The following ZNF516 variants were observed in gnomAD, a reference collection of about 807,000 sequenced individuals.
The protein encoded by ZNF516 is zinc finger protein 516.
A neutral mutation model predicts 79.7 loss-of-function variants in ZNF516; 19 were observed. The ratio of observed to expected loss-of-function variants is 0.24; its 90% CI spans 0.17 to 0.35. The LOEUF (loss-of-function observed/expected upper bound fraction) is 0.35, where lower values mean the gene tolerates loss of function less well. Ranked by LOEUF, ZNF516 falls within the 10% of genes least tolerant of loss-of-function variation. The probability of loss-of-function intolerance (pLI) is 1.00; values close to 1 mark genes in which losing one functional copy is unlikely to be tolerated. For synonymous variants in ZNF516, 877 were observed against 739.5 expected (o/e 1.19, Z -3.02); for missense variants, 1,678 against 1,679.5 (o/e 1.00, Z 0.02).
chr18:76,424,387 C>T (rs1159556611), intron 3 of ZNF516, among the ~76,000 whole-genome samples: 6 of 135,634 alleles, frequency 4.4e-5, no homozygotes, highest in Non-Finnish European at 1.6e-5. Flanking sequence ...AAGGGTCCCC[C>T]CCGAAACACA....
At chr18:76,399,006 A>G (rs1328256254) in intron 3 of ZNF516, among the ~76,000 whole-genome samples, 1 of 152,148 alleles carries the variant, frequency 6.6e-6, no homozygotes, top group African/African-American at 2.4e-5. Context: ...TTCATAACAC[A>G]AGCGGTCTCT....
chr18:76,476,677 T>C (rs1914191935), intron 1 of ZNF516, among the ~76,000 whole-genome samples: 1 of 152,200 alleles, frequency 6.6e-6, no homozygotes, highest in African/African-American at 2.4e-5. Flanking sequence ...TTTGTGTCAG[T>C]TTTCCACTAA....
chr18:76,439,431 T>C (rs2075785679), intron 3 of ZNF516, among the ~76,000 whole-genome samples: 1 of 152,372 alleles, frequency 6.6e-6, no homozygotes, highest in South Asian at 2.1e-4. Flanking sequence ...ATTTATTCTA[T>C]CACCAACTGT....
chr18:76,387,948 G>C (rs1228514775), intron 3 of ZNF516: 1 of 152,330 alleles, frequency 6.6e-6, no homozygotes, highest in Non-Finnish European at 1.5e-5. Context: ...CCAAACCCCA[G>C]GCTCCAAGAG....
intron 3 of ZNF516, among the ~76,000 whole-genome samples, chr18:76,416,058 G>C (rs1324705273): frequency 1.3e-5 from 2 of 152,154 alleles, no homozygotes; most frequent in South Asian, 4.1e-4. Flanking sequence ...CCTGTACTAA[G>C]TGTGCAACTG....
intron 3 of ZNF516, among the ~76,000 whole-genome samples, chr18:76,406,962 G>T (rs2145267298): frequency 6.6e-6 from 1 of 152,286 alleles, no homozygotes; most frequent in African/African-American, 2.4e-5. Context: ...TCTTAGATTT[G>T]CTAACCCGGG....
At position 76,441,839 on chromosome 18, in the gene ZNF516, G is replaced by A; in HGVS notation, c.1216C>T (p.Arg406Trp). Residue 406 changes from arginine (R) to tryptophan (W), a missense_variant, in exon 3 of 7, where the codon CGG (arginine) becomes TGG (tryptophan). By Grantham distance (101) the Arg-to-Trp change is moderately radical. Transcript: ENST00000443185. ...DSCPGTQAGR[R>W]VAELDPVNSY... ...TTGACCGGGTCCAGCTCAGCCACCC[G>A]CCGTCCGGCCTGCGTGCCAGGGCAC... is the stretch of plus-strand genomic sequence containing the variant. The A allele has an allele frequency of 5.1e-6, 8 of 1,568,726 alleles. No homozygotes were observed. Among genetic ancestry groups the A allele is most frequent in the Non-Finnish European group, 6.9e-6 (8 of 1,164,208 alleles).
chr18:76,434,115 A>T (rs2075699191), intron 3 of ZNF516, among the ~76,000 whole-genome samples: 2 of 152,186 alleles, frequency 1.3e-5, no homozygotes, highest in South Asian at 4.1e-4. Context: ...CTTTACCAGG[A>T]GCGATCCTGC....
At chr18:76,413,985 T>G (rs1221767741) in intron 3 of ZNF516, among the ~76,000 whole-genome samples, 1 of 152,222 alleles carries the variant, frequency 6.6e-6, no homozygotes, top group African/African-American at 2.4e-5. Context: ...TTCATGTCAC[T>G]TTTTTTAAAC....
chr18:76,477,509 G>A (rs1053724403), intron 1 of ZNF516, among the ~76,000 whole-genome samples: 5 of 152,126 alleles, frequency 3.3e-5, no homozygotes, highest in Admixed American at 3.3e-4. Context: ...TGAGACACAT[G>A]GGACAAAAGG....
chr18:76,482,261 T>C (rs186406773), intron 1 of ZNF516, among the ~76,000 whole-genome samples: 4 of 152,336 alleles, frequency 2.6e-5, no homozygotes, highest in East Asian at 1.9e-4. Context: ...TCCTAAGACG[T>C]ACATATGTGA....
chr18:76,395,275 C>T lies in ZNF516; in HGVS notation c.1811-14972G>A, dbSNP rs755973059. 2.7e-4 allele frequency among the ~76,000 whole-genome samples: 41 copies of T among 152,312 alleles called. 1 individual carries two copies. Among genetic ancestry groups the T allele is most frequent in the Admixed American group, 1.6e-3 (25 of 15,290 alleles). ...CCCCGCAATTCACAAGGCTGCACCC[C>T]GTCCTAAACGAGCATCTCCCAGACA... On this transcript the variant is annotated intron_variant, in intron 3 of 6. Transcript: ENST00000443185.
intron 3 of ZNF516, among the ~76,000 whole-genome samples, chr18:76,414,564 G>A (rs1038328086): frequency 2.0e-5 from 3 of 152,186 alleles, no homozygotes; most frequent in African/African-American, 7.2e-5. Context: ...ACATACTACT[G>A]TCGATCAAAA....
intron 2 of ZNF516, among the ~76,000 whole-genome samples, chr18:76,445,557 T>C (rs1415333868): frequency 6.6e-6 from 1 of 152,146 alleles, no homozygotes; most frequent in Non-Finnish European, 1.5e-5. Context: ...GGATGTGGTA[T>C]AAAAACCTTA....
intron 3 of ZNF516, among the ~76,000 whole-genome samples, chr18:76,381,636 C>T (rs140111444): frequency 0.017 from 2,641 of 152,340 alleles, 36 homozygotes; most frequent in Non-Finnish European, 0.026. Flanking sequence ...ACTGAAGGCA[C>T]TTGCCCAGAT....
At chr18:76,443,506 A>G (rs1911859731) in intron 2 of ZNF516, among the ~76,000 whole-genome samples, 1 of 152,178 alleles carries the variant, frequency 6.6e-6, no homozygotes, top group South Asian at 2.1e-4. Context: ...AGACTGTAGT[A>G]CCAGAGTGTG....
At chr18:76,492,449 C>A in intron 1 of ZNF516, 2 of 795,612 alleles carry the variant, frequency 2.5e-6, no homozygotes, top group Non-Finnish European at 3.0e-6. Flanking sequence ...GGCAGCCGAA[C>A]TTTCACTGGC....
upstream of ZNF516, chr18:76,496,194 C>T: frequency 8.6e-7 from 1 of 1,160,932 alleles, no homozygotes; most frequent in Non-Finnish European, 1.1e-6. Context: ...TCGGAGCTAG[C>T]GAGGGCGAGC....
rs2074858236 is a variant in ZNF516, at chr18:76,379,773, T to C, written c.2341A>G (p.Ile781Val). The C allele has an allele frequency of 4.3e-6, 7 of 1,613,884 alleles. 1 individual carries two copies. In the South Asian group the frequency reaches 6.6e-5, roughly 15 times the overall value. The part of the protein sequence containing the change: ...YPEVLWMHKR[I>V]WHRVSCNSVA... ...GAGTTGCAGCTGACGCGGTGCCAGA[T>C]GCGTTTGTGCATCCACAGGACCTCG... The change falls in exon 4 of 7, where the codon ATC (isoleucine) becomes GTC (valine). Residue 781 changes from isoleucine (I) to valine (V), a missense_variant. Ile to Val is a conservative substitution (Grantham distance 29). Transcript: ENST00000443185.
Sources: allele counts gnomAD v4.1 joint callset (sites outside exome capture counted in the v4.1 genomes callset), GRCh38; gene constraint gnomAD v4.1.1; transcripts MANE v1.5; gene names NCBI Gene and HGNC (gene_info 2026-07-23, HGNC 2026-07-21).